Variants in IL20RB observed in about 807,000 individuals in gnomAD.
IL20RB encodes the protein interleukin 20 receptor subunit beta.
Under a neutral mutation model 33.3 loss-of-function variants are expected in IL20RB, and 21 were observed. The observed-to-expected ratio is 0.63, with a 90% confidence interval of 0.45 to 0.91. The LOEUF is 0.91. Ranked by LOEUF, IL20RB falls within the 40% of genes least tolerant of loss-of-function variation. IL20RB has a pLI of 0.00. For missense variants in IL20RB, 345 were observed against 384.8 expected (o/e 0.90, Z 0.86); for synonymous variants, 147 against 146.8 (o/e 1.00, Z -0.01).
intron 1 of IL20RB, among the ~76,000 whole-genome samples, chr3:136,972,854 G>C (rs1941522681): frequency 1.3e-5 from 2 of 149,138 alleles, no homozygotes; most frequent in Admixed American, 6.7e-5. Flanking sequence ...CTTTGTTCTT[G>C]CTTTTCCAGT....
At chr3:136,977,042 TCTC>T (rs1941636022) in intron 1 of IL20RB, among the ~76,000 whole-genome samples, 1 of 152,216 alleles carries the variant, frequency 6.6e-6, no homozygotes, top group Admixed American at 6.5e-5. Context: ...GCAGGCTGCC[TCTC>T]CTCCTCCTTC....
intron 1 of IL20RB, among the ~76,000 whole-genome samples, chr3:136,962,472 G>A (rs1357330887): frequency 4.6e-5 from 7 of 152,140 alleles, no homozygotes; most frequent in Non-Finnish European, 8.8e-5. Flanking sequence ...TGTCAAGGTC[G>A]GCCAGGCGTG....
intron 1 of IL20RB, among the ~76,000 whole-genome samples, chr3:136,962,586 T>C (rs1210376337): frequency 6.6e-6 from 1 of 151,928 alleles, no homozygotes; most frequent in Non-Finnish European, 1.5e-5. Flanking sequence ...ACCCCGTCTT[T>C]ACTAAAAATA....
chr3:137,005,684 G>A lies in IL20RB; in HGVS notation c.826-4429G>A, dbSNP rs572087199. On this transcript the variant is annotated intron_variant, in intron 6 of 6. Transcript: ENST00000329582. ...TCTTTGCATGTCAGATGGGTCTCCT[G>A]AATACAGCACACTGATGGGTCTTGA... Among the ~76,000 whole-genome samples, 5 of 152,228 alleles carry A rather than the reference G, an allele frequency of 3.3e-5. No homozygotes were observed. In the South Asian group the frequency reaches 1.0e-3, roughly 32 times the overall value.
intron 1 of IL20RB, among the ~76,000 whole-genome samples, chr3:136,972,526 C>G (rs1577013908): frequency 6.6e-6 from 1 of 152,212 alleles, no homozygotes; most frequent in Non-Finnish European, 1.5e-5. Flanking sequence ...CTGATTCAAT[C>G]TTGGTAGGTT....
chr3:136,958,132 G>T lies in IL20RB; in HGVS notation c.19G>T (p.Val7Phe), dbSNP rs980538546. The change falls in exon 1 of 7, where the codon GTT becomes TTT. Residue 7 changes from valine (V) to phenylalanine (F), a missense_variant. Transcript: ENST00000329582. MQTFTM[V>F]LEEIWTSLFM... Reference sequence around the variant, plus strand: ...CTACCAAATGCAGACTTTCACAATGGTTCTAGAAGAAATCTGGACAAGTCT... The same window carrying T: ...CTACCAAATGCAGACTTTCACAATGTTTCTAGAAGAAATCTGGACAAGTCT... The T allele has an allele frequency of 2.5e-6, 4 of 1,608,630 alleles. No individual in the cohort carries two copies. The highest frequency in any genetic ancestry group is 1.3e-5 in the African/African-American group (1 of 74,822).
chr3:137,004,836 C>T (rs1406326132), intron 6 of IL20RB, among the ~76,000 whole-genome samples: 2 of 152,106 alleles, frequency 1.3e-5, no homozygotes, highest in East Asian at 1.9e-4. Context: ...TCTTGCTTCT[C>T]TAGTTCTTTT....
chr3:136,983,752 T>C lies in IL20RB; in HGVS notation c.406+1402T>C, dbSNP rs374827780. ...GAGATTTCTACAAGATGTCATCTTG[T>C]GGATGTCTGACTGGCAGCTGGAAAT... On this transcript the variant is annotated intron_variant, in intron 3 of 6. Transcript: ENST00000329582. Among the ~76,000 whole-genome samples the C allele has an allele frequency of 2.8e-4, 43 of 152,342 alleles. 1 individual carries two copies. The highest frequency in any genetic ancestry group is 1.0e-3 in the African/African-American group (42 of 41,582).
chr3:136,969,576 A>G (rs1941416681), intron 1 of IL20RB, among the ~76,000 whole-genome samples: 2 of 147,190 alleles, frequency 1.4e-5, no homozygotes, highest in South Asian at 2.2e-4. Context: ...GCGCACACAC[A>G]CTGGCCTGCG....
chr3:136,986,646 T>G (rs1236697307), intron 3 of IL20RB: 3 of 456,510 alleles, frequency 6.6e-6, no homozygotes, highest in Non-Finnish European at 1.3e-5. Context: ...ACTTCTCTGA[T>G]GAGGGACGCG....
chr3:137,004,467 T>G (rs1042641590), intron 6 of IL20RB, among the ~76,000 whole-genome samples: 1 of 152,252 alleles, frequency 6.6e-6, no homozygotes, highest in Non-Finnish European at 1.5e-5. Flanking sequence ...TATTCAGAGA[T>G]TCAACTTCTT....
chr3:137,007,163 T>C (rs1035981848), intron 6 of IL20RB, among the ~76,000 whole-genome samples: 1 of 152,152 alleles, frequency 6.6e-6, no homozygotes, highest in Non-Finnish European at 1.5e-5. Flanking sequence ...CTGGAAGCTT[T>C]GTCGCAGAGG....
intron 1 of IL20RB, among the ~76,000 whole-genome samples, chr3:136,979,808 C>T (rs1941723414): frequency 6.6e-6 from 1 of 152,166 alleles, no homozygotes; most frequent in South Asian, 2.1e-4. Flanking sequence ...AACTGATGAC[C>T]CATTTGGCCT....
intron 3 of IL20RB, among the ~76,000 whole-genome samples, chr3:136,987,986 A>G (rs965844786): frequency 5.3e-5 from 8 of 152,132 alleles, no homozygotes; most frequent in Non-Finnish European, 1.0e-4. Context: ...ACCTCCCTGC[A>G]AGCTGAGGGA....
chr3:136,963,625 A>G (rs1449215815), intron 1 of IL20RB, among the ~76,000 whole-genome samples: 2 of 137,608 alleles, frequency 1.5e-5, no homozygotes, highest in African/African-American at 2.7e-5. Context: ...GGATTGTTTG[A>G]TTTTTCTACT....
intron 6 of IL20RB, among the ~76,000 whole-genome samples, chr3:136,997,130 CT>C (rs1942146831): frequency 6.6e-6 from 1 of 151,368 alleles, no homozygotes; most frequent in East Asian, 1.9e-4. Flanking sequence ...CGGAGTTTCG[CT>C]GTCATCGCCC....
In IL20RB at chr3:137,010,368, C is replaced by T; in HGVS notation, c.*145C>T. ...CTGTTGTCTACAAGTCTAGAAGCAA[C>T]CATCAGAGGCAGGGTGGTTTGTCTA... On this transcript the variant is annotated 3_prime_UTR_variant, in exon 7 of 7. Coordinates refer to ENST00000329582, the MANE Select transcript of IL20RB (RefSeq NM_144717.4). The T allele has an allele frequency of 1.7e-6, 1 of 589,106 alleles. No individual in the cohort carries two copies. Among genetic ancestry groups the T allele is most frequent in the Non-Finnish European group, 3.1e-6 (1 of 321,842 alleles). 36.5% of individuals were successfully genotyped at this position (589,106 alleles called of 1,614,324 possible).
At chr3:136,978,252 G>A (rs937339562) in intron 1 of IL20RB, among the ~76,000 whole-genome samples, 6 of 148,608 alleles carry the variant, frequency 4.0e-5, no homozygotes, top group South Asian at 2.1e-4. Context: ...TGCAACCTCC[G>A]TCTCCCAGGT....
chr3:137,007,409 G>C (rs934614958), intron 6 of IL20RB, among the ~76,000 whole-genome samples: 2 of 152,246 alleles, frequency 1.3e-5, no homozygotes, highest in Non-Finnish European at 2.9e-5. Flanking sequence ...GGAGTCTAGA[G>C]GCAGTAGGCA....
Sources: gnomAD v4.1 joint callset for allele counts (sites outside exome capture counted in the v4.1 genomes callset) on GRCh38, gnomAD v4.1.1 for gene constraint, MANE v1.5 for transcripts, NCBI Gene and HGNC (gene_info 2026-07-23, HGNC 2026-07-21) for gene names.